The following EBF1 variants were observed in gnomAD, a reference collection of about 807,000 sequenced individuals.
EBF1 encodes the protein EBF transcription factor 1.
A neutral mutation model predicts 68.4 loss-of-function variants in EBF1; 10 were observed. That is an observed-to-expected ratio of 0.15 (90% CI 0.09 to 0.25). The LOEUF (loss-of-function observed/expected upper bound fraction) is 0.25. Among genes scored for constraint, EBF1 ranks in the 10% least tolerant of loss-of-function variants. The pLI, the probability that EBF1 is intolerant of heterozygous loss-of-function variation, is 1.00. For synonymous variants in EBF1, 298 were observed against 299.8 expected (o/e 0.99, Z 0.06); for missense variants, 509 against 794.4 (o/e 0.64, Z 4.32).
chr5:158,924,802 G>A (rs532739683), intron 6 of EBF1, among the ~76,000 whole-genome samples: 7 of 139,110 alleles, frequency 5.0e-5, no homozygotes, highest in African/African-American at 1.9e-4. Context: ...GTGGTGAGCC[G>A]AGATCGCGCC....
At chr5:158,778,118 C>A (rs1775682577) in intron 9 of EBF1, among the ~76,000 whole-genome samples, 1 of 152,058 alleles carries the variant, frequency 6.6e-6, no homozygotes, top group Non-Finnish European at 1.5e-5. Flanking sequence ...AAGGACTCTC[C>A]ATAAAAGGGA....
chr5:158,722,501 T>TGA (rs1762131211), intron 11 of EBF1, among the ~76,000 whole-genome samples: 1 of 152,194 alleles, frequency 6.6e-6, no homozygotes, highest in African/African-American at 2.4e-5. Flanking sequence ...GTTTGGTGTG[T>TGA]GTGTATACAA....
At chr5:158,905,695 C>G (rs1370243804) in intron 6 of EBF1, among the ~76,000 whole-genome samples, 1 of 152,156 alleles carries the variant, frequency 6.6e-6, no homozygotes, top group Non-Finnish European at 1.5e-5. Flanking sequence ...TATTAAACTA[C>G]CATAAACCAT....
At chr5:158,700,934 G>A (rs1756618084) in intron 15 of EBF1, among the ~76,000 whole-genome samples, 3 of 152,122 alleles carry the variant, frequency 2.0e-5, no homozygotes, top group African/African-American at 7.2e-5. Flanking sequence ...GTCCCCCTAA[G>A]ATTCAAGTGA....
At chr5:158,962,681 A>G (rs964018121) in intron 6 of EBF1, among the ~76,000 whole-genome samples, 1 of 152,218 alleles carries the variant, frequency 6.6e-6, no homozygotes, top group Non-Finnish European at 1.5e-5. Flanking sequence ...TACAAAGCCC[A>G]TATAGGTACT....
At chr5:159,059,245 A>C (rs536702514) in intron 6 of EBF1, among the ~76,000 whole-genome samples, 2 of 152,192 alleles carry the variant, frequency 1.3e-5, no homozygotes, top group Non-Finnish European at 2.9e-5. Context: ...GAAATTCATT[A>C]TACCAAACTT....
At chr5:158,756,161 C>T (rs1477885714) in intron 10 of EBF1, among the ~76,000 whole-genome samples, 1 of 152,090 alleles carries the variant, frequency 6.6e-6, no homozygotes, top group African/African-American at 2.4e-5. Context: ...TCCAGGCTCT[C>T]ATTCTGGCAG....
Position 159,084,680 on chromosome 5 carries a change from A to G in EBF1, c.471T>C (p.His157=). The change falls in exon 5 of 16, where the codon CAT becomes CAC. Residue 157 remains histidine (H), a synonymous_variant. Transcript: ENST00000313708. ...ATATTTCTTACCTGCACATGATCTC[A>G]TGTGTGAGCAAGACTCGGCACATTT... ...NPEMCRVLLT[H]EIMCSRCCDK... 1 of 1,584,946 alleles carries G rather than the reference A, an allele frequency of 6.3e-7. No individual in the cohort carries two copies. Among genetic ancestry groups the G allele is most frequent in the Non-Finnish European group, 8.6e-7 (1 of 1,160,074 alleles).
chr5:158,916,056 G>A (rs1425843928), intron 6 of EBF1, among the ~76,000 whole-genome samples: 1 of 152,122 alleles, frequency 6.6e-6, no homozygotes, highest in Non-Finnish European at 1.5e-5. Flanking sequence ...GACCGACAAA[G>A]GGGGGTCCAA....
In EBF1 at chr5:158,775,783, GACACACACACAC is replaced by G. The variant is rs58752245; in HGVS notation, c.1036+1618_1036+1629del. Among the ~76,000 whole-genome samples the G allele has an allele frequency of 4.3e-3, 551 of 129,590 alleles. 1 individual carries two copies. Among genetic ancestry groups the G allele is most frequent in the South Asian group, 0.012 (41 of 3,548 alleles). 85.0% of individuals were successfully genotyped at this position (129,590 alleles called of 152,430 possible). ...ACACACACACACACACATGCACACA[GACACACACACAC>G]ACACACACACACACACACACACACA... On this transcript the variant is annotated intron_variant, in intron 10 of 15. Coordinates refer to ENST00000313708, the MANE Select transcript of EBF1 (RefSeq NM_024007.5).
intron 7 of EBF1, among the ~76,000 whole-genome samples, chr5:158,835,470 C>G (rs1015910552): frequency 6.6e-6 from 1 of 152,218 alleles, no homozygotes; most frequent in African/African-American, 2.4e-5. Context: ...CAACTCTACC[C>G]TCTGCATGAT....
At chr5:158,793,163 G>A (rs541931857) in intron 9 of EBF1, among the ~76,000 whole-genome samples, 15 of 152,118 alleles carry the variant, frequency 9.9e-5, no homozygotes, top group African/African-American at 3.4e-4. Context: ...AACATCATAC[G>A]CAGTGGTGAG....
At chr5:158,742,526 G>A (rs1766636771) in intron 10 of EBF1, among the ~76,000 whole-genome samples, 1 of 152,218 alleles carries the variant, frequency 6.6e-6, no homozygotes, top group African/African-American at 2.4e-5. Context: ...AACAGGGGCA[G>A]GTGCAATGAA....
intron 6 of EBF1, among the ~76,000 whole-genome samples, chr5:158,965,387 G>T (rs966033647): frequency 6.6e-6 from 1 of 152,182 alleles, no homozygotes; most frequent in East Asian, 1.9e-4. Flanking sequence ...GTGCTCAGTG[G>T]ATTTGCCTAT....
intron 8 of EBF1, among the ~76,000 whole-genome samples, chr5:158,806,314 A>C (rs1446986444): frequency 6.6e-6 from 1 of 152,092 alleles, no homozygotes; most frequent in African/African-American, 2.4e-5. Flanking sequence ...GATCTTTTAG[A>C]ATCCTACTTG....
intron 6 of EBF1, among the ~76,000 whole-genome samples, chr5:158,965,607 C>T (rs572637291): frequency 2.0e-5 from 3 of 152,254 alleles, no homozygotes; most frequent in African/African-American, 7.2e-5. Context: ...GAGTTTATAA[C>T]AGCTTTTGTA....
intron 3 of EBF1, 192 bp downstream of exon 3, chr5:159,096,151 A>G (rs1782568475): frequency 1.6e-6 from 1 of 622,026 alleles, no homozygotes; most frequent in African/African-American, 1.8e-5. Context: ...CGCGAGACCG[A>G]TAAGGCTCTT....
intron 10 of EBF1, among the ~76,000 whole-genome samples, chr5:158,767,637 ATTGC>A (rs1773021857): frequency 6.6e-6 from 1 of 151,948 alleles, no homozygotes; most frequent in African/African-American, 2.4e-5. Flanking sequence ...GGGGGTGGGG[ATTGC>A]TTTACATTTA....
chr5:158,763,560 A>T (rs1771977165), intron 10 of EBF1, among the ~76,000 whole-genome samples: 1 of 151,474 alleles, frequency 6.6e-6, no homozygotes, highest in African/African-American at 2.4e-5. Context: ...CAGAATAATG[A>T]TGTCCATGAC....
Sources: gnomAD v4.1 joint callset for allele counts (sites outside exome capture counted in the v4.1 genomes callset) on GRCh38, gnomAD v4.1.1 for gene constraint, MANE v1.5 for transcripts, NCBI Gene and HGNC (gene_info 2026-07-23, HGNC 2026-07-21) for gene names.